The following MB21D2 variants were observed in gnomAD, a reference collection of about 807,000 sequenced individuals.
MB21D2 encodes the protein Mab-21 domain containing 2.
Under a neutral mutation model 33.3 loss-of-function variants are expected in MB21D2, and 9 were observed. That is an observed-to-expected ratio of 0.27 (90% CI 0.16 to 0.47). The LOEUF (loss-of-function observed/expected upper bound fraction) is 0.47, where lower values mean the gene tolerates loss of function less well. Among genes scored for constraint, MB21D2 ranks in the 20% least tolerant of loss-of-function variants. The pLI is 0.99. For missense variants in MB21D2, 540 were observed against 624.6 expected (o/e 0.86, Z 1.44); for synonymous variants, 241 against 236.3 (o/e 1.02, Z -0.18).
rs1720549069 is a variant in MB21D2 at position 192,797,593 on chromosome 3, C to T, written c.*793G>A. 1.3e-5 allele frequency: 2 copies of T among 152,594 alleles called. No individual in the cohort carries two copies. Among genetic ancestry groups the T allele is most frequent in the Admixed American group, 6.5e-5 (1 of 15,274 alleles). 9.5% of individuals were successfully genotyped at this position (152,594 alleles called of 1,614,324 possible). ...GGTTGTTAATTTATATTGAAACACACTTTGCAATTCTGACAATGGCAAAGA... is the reference window on the plus strand; with the variant it reads ...GGTTGTTAATTTATATTGAAACACATTTTGCAATTCTGACAATGGCAAAGA... On this transcript the variant is annotated 3_prime_UTR_variant, in exon 2 of 2. Coordinates refer to ENST00000392452, the MANE Select transcript of MB21D2 (RefSeq NM_178496.4).
chr3:192,841,735 T>C (rs565322740), intron 1 of MB21D2, among the ~76,000 whole-genome samples: 48 of 152,312 alleles, frequency 3.2e-4, no homozygotes, highest in African/African-American at 1.1e-3. Context: ...TGTTTTACAG[T>C]GTGGAGTAAT....
At chr3:192,909,856 C>A (rs1458760126) in intron 1 of MB21D2, among the ~76,000 whole-genome samples, 1 of 145,910 alleles carries the variant, frequency 6.9e-6, no homozygotes, top group Non-Finnish European at 1.5e-5. Context: ...CACTGGAACC[C>A]GGGAAGCGGA....
At chr3:192,869,283 A>G (rs142001713) in intron 1 of MB21D2, among the ~76,000 whole-genome samples, 6 of 113,636 alleles carry the variant, frequency 5.3e-5, no homozygotes, top group Non-Finnish European at 9.9e-5. Context: ...GGAAGGAAGG[A>G]AGGAGGGGAG....
At chr3:192,853,737 T>G (rs1287479815) in intron 1 of MB21D2, among the ~76,000 whole-genome samples, 1 of 152,218 alleles carries the variant, frequency 6.6e-6, no homozygotes, top group African/African-American at 2.4e-5. Flanking sequence ...GATAGTTGTG[T>G]TTTTTACAAA....
At position 192,884,658 on chromosome 3, in the gene MB21D2, C is replaced by T. The variant is rs551528159; in HGVS notation, c.211+32972G>A. 1.1e-4 allele frequency among the ~76,000 whole-genome samples: 17 copies of T among 152,236 alleles called. No individual in the cohort carries two copies. The Middle Eastern group carries it at 0.024, about 215-fold the overall frequency. ...CTGGCATTACAGGCGTGAGCCATCG[C>T]ACCCGGCCAGAGGTGCATGTCTTGT... is the stretch of plus-strand genomic sequence containing the variant. On this transcript the variant is annotated intron_variant, in intron 1 of 1. Transcript: ENST00000392452.
intron 1 of MB21D2, among the ~76,000 whole-genome samples, chr3:192,906,997 A>T (rs191473412): frequency 6.6e-6 from 1 of 152,376 alleles, no homozygotes; most frequent in East Asian, 1.9e-4. Context: ...TATAAAATAT[A>T]AACAAATTGA....
At chr3:192,886,800 A>G (rs1713742209) in intron 1 of MB21D2, among the ~76,000 whole-genome samples, 1 of 152,152 alleles carries the variant, frequency 6.6e-6, no homozygotes. Context: ...CAATTTTCAC[A>G]GTACCTTTTT....
chr3:192,882,999 C>G (rs1713640243), intron 1 of MB21D2, among the ~76,000 whole-genome samples: 1 of 152,010 alleles, frequency 6.6e-6, no homozygotes, highest in Non-Finnish European at 1.5e-5. Flanking sequence ...TCCCAAAGTG[C>G]TGGGATTACA....
At chr3:192,842,635 C>CA (rs1383746824) in intron 1 of MB21D2, among the ~76,000 whole-genome samples, 1 of 151,960 alleles carries the variant, frequency 6.6e-6, no homozygotes, top group Non-Finnish European at 1.5e-5. Flanking sequence ...AGAGAAAATT[C>CA]AAAAAATAAT....
Position 192,893,853 on chromosome 3 carries a change from TAG to T in MB21D2, c.211+23775_211+23776del, listed in dbSNP as rs1713908867. Among the ~76,000 whole-genome samples, 5 of 152,196 alleles carry T rather than the reference TAG, an allele frequency of 3.3e-5. No homozygotes were observed. In the South Asian group the frequency reaches 1.0e-3, roughly 32 times the overall value. ...GAGTTTGAAAACAGTCTGGGCAACATAGAGAGACCCTATCTCTACTACATATT... is the reference window on the plus strand; with the variant it reads ...GAGTTTGAAAACAGTCTGGGCAACATAGAGACCCTATCTCTACTACATATT... On this transcript the variant is annotated intron_variant, in intron 1 of 1. Transcript: ENST00000392452.
chr3:192,829,589 C>A (rs1051892636), intron 1 of MB21D2, among the ~76,000 whole-genome samples: 2 of 152,138 alleles, frequency 1.3e-5, no homozygotes, highest in Non-Finnish European at 2.9e-5. Flanking sequence ...TCTTCCAGAG[C>A]ATTCTTCTGT....
intron 1 of MB21D2, among the ~76,000 whole-genome samples, chr3:192,807,583 C>T (rs1438154625): frequency 6.6e-6 from 1 of 151,948 alleles, no homozygotes; most frequent in Non-Finnish European, 1.5e-5. Flanking sequence ...TTAATTACTC[C>T]GAAACTGGAA....
chr3:192,800,616 T>G (rs1185352273), intron 1 of MB21D2, among the ~76,000 whole-genome samples: 1 of 152,172 alleles, frequency 6.6e-6, no homozygotes, highest in African/African-American at 2.4e-5. Flanking sequence ...TCTGAGCCAT[T>G]AGAAAGACTA....
intron 1 of MB21D2, among the ~76,000 whole-genome samples, chr3:192,831,465 A>G (rs139645323): frequency 3.3e-5 from 5 of 152,338 alleles, no homozygotes; most frequent in African/African-American, 1.2e-4. Flanking sequence ...TTTACTCAGC[A>G]GCAGCAAACT....
At chr3:192,884,519 A>T (rs1250620154) in intron 1 of MB21D2, among the ~76,000 whole-genome samples, 26 of 133,260 alleles carry the variant, frequency 2.0e-4, no homozygotes, top group Admixed American at 1.5e-3. Flanking sequence ...GGCGCCCGCC[A>T]CCACGCCCGG....
intron 1 of MB21D2, among the ~76,000 whole-genome samples, chr3:192,813,533 A>G (rs558303199): frequency 6.6e-6 from 1 of 152,200 alleles, no homozygotes; most frequent in South Asian, 2.1e-4. Context: ...CAATATATAT[A>G]TTGTATGACG....
At chr3:192,910,642 C>T (rs1714333014) in intron 1 of MB21D2, among the ~76,000 whole-genome samples, 1 of 152,140 alleles carries the variant, frequency 6.6e-6, no homozygotes, top group South Asian at 2.1e-4. Flanking sequence ...TAAATTTACT[C>T]CTAATAAAAG....
intron 1 of MB21D2, among the ~76,000 whole-genome samples, chr3:192,844,682 G>A (rs910468904): frequency 6.6e-5 from 10 of 152,170 alleles, no homozygotes; most frequent in African/African-American, 2.4e-4. Flanking sequence ...CCCCAATTCT[G>A]ATGGGCTGGA....
chr3:192,842,560 T>G (rs1407125465), intron 1 of MB21D2, among the ~76,000 whole-genome samples: 1 of 152,192 alleles, frequency 6.6e-6, no homozygotes, highest in Non-Finnish European at 1.5e-5. Flanking sequence ...CAAATTACAC[T>G]ATCTTTAATA....
Sources: gnomAD v4.1 joint callset for allele counts (sites outside exome capture counted in the v4.1 genomes callset) on GRCh38, gnomAD v4.1.1 for gene constraint, MANE v1.5 for transcripts, NCBI Gene and HGNC (gene_info 2026-07-23, HGNC 2026-07-21) for gene names.